The following C10orf90 variants were observed in gnomAD, a reference collection of about 807,000 sequenced individuals.
C10orf90 encodes (E2-independent) E3 ubiquitin-conjugating enzyme FATS.
C10orf90 carries 56 observed loss-of-function variants against 62.5 expected under a neutral mutation model. The observed-to-expected ratio is 0.90, with a 90% CI of 0.72 to 1.12. The LOEUF is 1.12. C10orf90 is among the 50% of genes most tolerant of loss of function. The pLI, the probability that C10orf90 is intolerant of heterozygous loss-of-function variation, is 0.00. For synonymous variants in C10orf90, 386 were observed against 340.4 expected (o/e 1.13, Z -1.47); for missense variants, 970 against 880.4 (o/e 1.10, Z -1.29).
intron 2 of C10orf90, chr10:126,521,182 C>G (rs753281421): frequency 8.2e-5 from 96 of 1,173,518 alleles, no homozygotes; most frequent in Non-Finnish European, 1.1e-4. Flanking sequence ...GGTTCATCTC[C>G]TTTCCCCTGG....
chr10:126,551,620 A>T (rs945994701), intron 2 of C10orf90, among the ~76,000 whole-genome samples: 2 of 152,210 alleles, frequency 1.3e-5, no homozygotes, highest in South Asian at 4.1e-4. Flanking sequence ...CAGCAGATCC[A>T]AGGAGCATAA....
chr10:126,542,815 G>T (rs1204924830), intron 2 of C10orf90, among the ~76,000 whole-genome samples: 1 of 152,106 alleles, frequency 6.6e-6, no homozygotes. Flanking sequence ...GGAAAACTTG[G>T]CAGTATCTAT....
At chr10:126,573,371 G>A (rs899244749) in intron 2 of C10orf90, among the ~76,000 whole-genome samples, 2 of 152,206 alleles carry the variant, frequency 1.3e-5, no homozygotes, top group Middle Eastern at 3.2e-3. Flanking sequence ...CCCAAGGTGT[G>A]GCGCCAGGCT....
At chr10:126,667,872 T>C (rs1182300419) in intron 1 of C10orf90, among the ~76,000 whole-genome samples, 1 of 152,192 alleles carries the variant, frequency 6.6e-6, no homozygotes, top group African/African-American at 2.4e-5. Flanking sequence ...GGGGCATTTT[T>C]AGAGTGTGCA....
intron 4 of C10orf90, among the ~76,000 whole-genome samples, chr10:126,500,717 A>T (rs1024491624): frequency 6.6e-6 from 1 of 152,214 alleles, no homozygotes; most frequent in African/African-American, 2.4e-5. Flanking sequence ...AGATGAGAGC[A>T]GGTGCTCACG....
rs35841777 is a variant in C10orf90 at position 126,535,516 on chromosome 10, C to CAA, written c.314-21579_314-21578dup. ...TGGGCAACAGAGCCAGACGCTGTCT[C>CAA]AAAAAAAAAAAAAAAAATTGTCTTC... On this transcript the variant is annotated intron_variant, in intron 2 of 9. Transcript: ENST00000488181. Among the ~76,000 whole-genome samples, 683 of 132,032 alleles carry CAA rather than the reference C, an allele frequency of 5.2e-3. 7 individuals are homozygous for CAA. The highest frequency in any genetic ancestry group is 0.02 in the African/African-American group (658 of 33,380). The allele number at this position is 132,032 out of a possible 152,430, so 86.6% of individuals were successfully genotyped here. A position where few individuals can be genotyped will look rare whatever the true frequency, so the allele number is the denominator to read the frequency against.
chr10:126,626,084 G>A (rs749117057), intron 2 of C10orf90, among the ~76,000 whole-genome samples: 22 of 149,478 alleles, frequency 1.5e-4, no homozygotes, highest in African/African-American at 4.7e-4. Context: ...AGCTGAGATC[G>A]TGCCACTGCA....
At chr10:126,588,478 G>T (rs543784724) in intron 2 of C10orf90, among the ~76,000 whole-genome samples, 3 of 152,314 alleles carry the variant, frequency 2.0e-5, no homozygotes, top group African/African-American at 7.2e-5. Flanking sequence ...CCAGAGGAAA[G>T]AACAGGCTGC....
chr10:126,449,732 C>T (rs1411660951), intron 7 of C10orf90, among the ~76,000 whole-genome samples: 4 of 152,140 alleles, frequency 2.6e-5, no homozygotes, highest in Non-Finnish European at 5.9e-5. Context: ...GGCGCGATGG[C>T]TCATGCCTGT....
At chr10:126,630,278 C>A (rs890217698) in intron 2 of C10orf90, among the ~76,000 whole-genome samples, 1 of 152,142 alleles carries the variant, frequency 6.6e-6, no homozygotes, top group East Asian at 1.9e-4. Context: ...CTGTCTGGAC[C>A]CCCACTCTGT....
intron 3 of C10orf90, among the ~76,000 whole-genome samples, chr10:126,509,997 C>T (rs923755508): frequency 3.3e-5 from 5 of 152,196 alleles, no homozygotes; most frequent in African/African-American, 1.2e-4. Flanking sequence ...CACTCCTTGG[C>T]TTGTAGACGG....
chr10:126,479,693 A>G (rs1861071876), intron 4 of C10orf90, among the ~76,000 whole-genome samples: 1 of 152,222 alleles, frequency 6.6e-6, no homozygotes, highest in East Asian at 1.9e-4. Flanking sequence ...TTCTCCCATT[A>G]AGGCTAATGG....
At chr10:126,633,597 C>A (rs941436687) in intron 2 of C10orf90, among the ~76,000 whole-genome samples, 4 of 152,172 alleles carry the variant, frequency 2.6e-5, no homozygotes, top group Non-Finnish European at 5.9e-5. Flanking sequence ...AGCATGGAGA[C>A]CAACTGTGCA....
intron 8 of C10orf90, among the ~76,000 whole-genome samples, chr10:126,426,604 A>T (rs1006297004): frequency 6.6e-5 from 10 of 152,156 alleles, no homozygotes; most frequent in Non-Finnish European, 1.2e-4. Flanking sequence ...TTACCTCTCA[A>T]CCTATTGCAC....
At chr10:126,525,956 C>G (rs528864899) in intron 2 of C10orf90, among the ~76,000 whole-genome samples, 4 of 150,942 alleles carry the variant, frequency 2.7e-5, no homozygotes, top group African/African-American at 9.7e-5. Context: ...ACAGGGAAAC[C>G]GTCCTCTTAA....
At chr10:126,537,236 T>C (rs1485147041) in intron 2 of C10orf90, among the ~76,000 whole-genome samples, 1 of 152,210 alleles carries the variant, frequency 6.6e-6, no homozygotes, top group Non-Finnish European at 1.5e-5. Flanking sequence ...GGAGGGTTTA[T>C]GTGACTGATG....
At chr10:126,540,578 G>A (rs1233292430) in intron 2 of C10orf90, among the ~76,000 whole-genome samples, 1 of 151,502 alleles carries the variant, frequency 6.6e-6, no homozygotes, top group Non-Finnish European at 1.5e-5. Flanking sequence ...AGAATCACTT[G>A]AGCCTGGGAG....
chr10:126,662,227 A>G (rs28703703), intron 1 of C10orf90, among the ~76,000 whole-genome samples: 25,106 of 152,086 alleles, frequency 0.17, 2,248 homozygotes, highest in South Asian at 0.24. Context: ...TAGCCGCACT[A>G]CTAAGACATG....
intron 6 of C10orf90, 55 bp from the exon 7 acceptor site, chr10:126,459,272 A>G (rs189857958): frequency 6.3e-7 from 1 of 1,593,600 alleles, no homozygotes; most frequent in Admixed American, 1.7e-5. Flanking sequence ...CAGAAAGGCA[A>G]CGCATCTGTC....
Sources: gnomAD v4.1 joint callset for allele counts (sites outside exome capture counted in the v4.1 genomes callset) on GRCh38, gnomAD v4.1.1 for gene constraint, MANE v1.5 for transcripts, NCBI Gene and HGNC (gene_info 2026-07-23, HGNC 2026-07-21) for gene names.